Variants in DLGAP2 observed in about 807,000 individuals in gnomAD.
DLGAP2 encodes the protein DLG associated protein 2.
DLGAP2 carries 26 observed loss-of-function variants against 100.3 expected under a neutral mutation model. The ratio of observed to expected loss-of-function variants is 0.26; its 90% CI spans 0.19 to 0.36. The LOEUF is 0.36. Among genes scored for constraint, DLGAP2 ranks in the 10% least tolerant of loss-of-function variants. DLGAP2 has a pLI of 1.00. For missense variants in DLGAP2, 1,858 were observed against 1,453.2 expected (o/e 1.28, Z -4.53); for synonymous variants, 886 against 630.1 (o/e 1.41, Z -6.08).
At chr8:1,384,581 C>T (rs1263948402) in intron 3 of DLGAP2, among the ~76,000 whole-genome samples, 1 of 143,894 alleles carries the variant, frequency 6.9e-6, no homozygotes, top group Non-Finnish European at 1.5e-5. Flanking sequence ...TGCACAGTTA[C>T]CCCGGCCTGT....
rs934605473 is a variant in DLGAP2, at chr8:1,316,742, G to T, written c.106+57859G>T. ...TGGTCTACACTCGAGAAACTCGGCA[G>T]CTTTAAAAATAGAGCGTGTGCGAGT... On this transcript the variant is annotated intron_variant, in intron 3 of 14. Coordinates refer to ENST00000637795, the MANE Select transcript of DLGAP2 (RefSeq NM_001346810.2). 2.5e-4 allele frequency among the ~76,000 whole-genome samples: 33 copies of T among 130,370 alleles called. 2 individuals are homozygous for T. Among genetic ancestry groups the T allele is most frequent in the Non-Finnish European group, 4.6e-4 (29 of 63,534 alleles). 85.5% of individuals were successfully genotyped at this position (130,370 alleles called of 152,430 possible). A position where few individuals can be genotyped will look rare whatever the true frequency, so the allele number is the denominator to read the frequency against.
chr8:856,684 C>G (rs866923788), intron 1 of DLGAP2, among the ~76,000 whole-genome samples: 2 of 152,098 alleles, frequency 1.3e-5, no homozygotes, highest in Non-Finnish European at 2.9e-5. Flanking sequence ...AGCATAAGAT[C>G]TATATGAGGA....
intron 3 of DLGAP2, among the ~76,000 whole-genome samples, chr8:1,467,764 G>A (rs1031137638): frequency 5.3e-5 from 8 of 152,170 alleles, no homozygotes; most frequent in Non-Finnish European, 1.5e-5. Flanking sequence ...CAGAGTGGCA[G>A]AGACCACCGT....
At chr8:1,500,537 G>T (rs1050781875) in intron 3 of DLGAP2, among the ~76,000 whole-genome samples, 3 of 152,298 alleles carry the variant, frequency 2.0e-5, no homozygotes. Flanking sequence ...GCAGCCTGGA[G>T]AGTCGGCACC....
At chr8:1,115,166 T>A (rs1805078630) in intron 2 of DLGAP2, among the ~76,000 whole-genome samples, 1 of 152,220 alleles carries the variant, frequency 6.6e-6, no homozygotes, top group Non-Finnish European at 1.5e-5. Flanking sequence ...GTGCATTCTG[T>A]TGTTTTGGGG....
chr8:1,470,269 C>G (rs1354888527), intron 3 of DLGAP2, among the ~76,000 whole-genome samples: 1 of 152,156 alleles, frequency 6.6e-6, no homozygotes, highest in African/African-American at 2.4e-5. Context: ...GTGTTAAGTC[C>G]TGGCAGCCAG....
At chr8:1,275,974 AAATAT>A (rs1269291089) in intron 3 of DLGAP2, among the ~76,000 whole-genome samples, 3 of 128,702 alleles carry the variant, frequency 2.3e-5, no homozygotes, top group Admixed American at 9.2e-5. Context: ...TAATATATAT[AAATAT>A]AATATATAAA....
intron 3 of DLGAP2, among the ~76,000 whole-genome samples, chr8:1,456,098 A>T (rs1458846559): frequency 6.6e-6 from 1 of 152,190 alleles, no homozygotes; most frequent in African/African-American, 2.4e-5. Context: ...CTTTCGATGG[A>T]TCAAAGCTTG....
At chr8:768,727 C>A (rs899770270) in intron 1 of DLGAP2, among the ~76,000 whole-genome samples, 3 of 152,100 alleles carry the variant, frequency 2.0e-5, no homozygotes, top group Non-Finnish European at 4.4e-5. Flanking sequence ...TTGGTCTTGA[C>A]TCTGATTGAG....
chr8:1,502,871 T>G (rs1325828608), intron 4 of DLGAP2, among the ~76,000 whole-genome samples: 6 of 152,158 alleles, frequency 3.9e-5, no homozygotes, highest in Non-Finnish European at 7.3e-5. Context: ...GGGCCTTCTC[T>G]GGGGCAGCAG....
intron 3 of DLGAP2, among the ~76,000 whole-genome samples, chr8:1,298,624 G>A (rs1218779249): frequency 6.6e-6 from 1 of 152,066 alleles, no homozygotes; most frequent in East Asian, 1.9e-4. Context: ...GCAGAAGCAT[G>A]GCAGGCGCTG....
intron 1 of DLGAP2, among the ~76,000 whole-genome samples, chr8:866,375 G>T (rs1266911848): frequency 6.6e-6 from 1 of 152,218 alleles, no homozygotes; most frequent in East Asian, 1.9e-4. Context: ...GGGCGCAGGT[G>T]ACCAGACCAG....
chr8:1,439,828 G>A lies in DLGAP2; in HGVS notation c.107-61538G>A, dbSNP rs1337919233. The stretch of plus-strand genomic sequence containing the variant: ...GGGCCTGGCATTTGAGGGCAGAGAT[G>A]TTGCATAGTGAGGTGCTTGCTCTGG... On this transcript the variant is annotated intron_variant, in intron 3 of 14. Transcript: ENST00000637795. 3.9e-5 allele frequency among the ~76,000 whole-genome samples: 6 copies of A among 152,272 alleles called. No homozygotes were observed. The South Asian group carries it at 1.2e-3, about 32-fold the overall frequency.
At position 1,504,207 on chromosome 8, in the gene DLGAP2, C is replaced by CT. The variant is rs57525593; in HGVS notation, c.172+2786dup. On this transcript the variant is annotated intron_variant, in intron 4 of 14. Transcript: ENST00000637795. ...GTCTTTAAAAGTTCTTTACCTGATG[C>CT]TTTTTTTTTTAATGGAAGAAACGCT... Among the ~76,000 whole-genome samples the CT allele has an allele frequency of 5.3e-4, 77 of 145,588 alleles. 1 individual carries two copies. Among genetic ancestry groups the CT allele is most frequent in the African/African-American group, 7.5e-4 (30 of 39,792 alleles).
chr8:884,744 T>C (rs1432017222), intron 1 of DLGAP2, among the ~76,000 whole-genome samples: 1 of 152,230 alleles, frequency 6.6e-6, no homozygotes, highest in Non-Finnish European at 1.5e-5. Context: ...GGTTTTCTTC[T>C]AGGATTTTTA....
chr8:1,470,732 TC>T (rs1798756583), intron 3 of DLGAP2, among the ~76,000 whole-genome samples: 1 of 48,844 alleles, frequency 2.0e-5, no homozygotes, highest in African/African-American at 9.3e-5. Context: ...GACCACGGCC[TC>T]CCCTTCCCCG....
chr8:1,280,570 A>T (rs4072074), intron 3 of DLGAP2, among the ~76,000 whole-genome samples: 57,407 of 152,018 alleles, frequency 0.38, 11,665 homozygotes, highest in African/African-American at 0.52. Flanking sequence ...ACTTCATGGG[A>T]GAAGTGACAC....
In DLGAP2 at chr8:1,328,488, T is replaced by G. The variant is rs187650818; in HGVS notation, c.106+69605T>G. The stretch of plus-strand genomic sequence containing the variant: ...TCATGCCTGACTAATTTGTGTGTGT[T>G]TTTTTGTTTTTTTGTTTGTTTGTTT... On this transcript the variant is annotated intron_variant, in intron 3 of 14. Transcript: ENST00000637795. Among the ~76,000 whole-genome samples, 382 of 152,070 alleles carry G rather than the reference T, an allele frequency of 2.5e-3. 5 individuals are homozygous for G. The highest frequency in any genetic ancestry group is 0.014 in the South Asian group (68 of 4,794).
intron 2 of DLGAP2, among the ~76,000 whole-genome samples, chr8:1,201,591 A>G (rs1054976096): frequency 6.6e-6 from 1 of 152,232 alleles, no homozygotes; most frequent in Non-Finnish European, 1.5e-5. Context: ...GGTCACCGGC[A>G]CGGCAGGGGT....
Sources: allele counts gnomAD v4.1 joint callset (sites outside exome capture counted in the v4.1 genomes callset), GRCh38; gene constraint gnomAD v4.1.1; transcripts MANE v1.5; gene names NCBI Gene and HGNC (gene_info 2026-07-23, HGNC 2026-07-21).